The following TNIK variants were observed in gnomAD, a reference collection of about 807,000 sequenced individuals.
TNIK encodes the protein TRAF2 and NCK interacting kinase.
TNIK carries 49 observed loss-of-function variants against 191.3 expected under a neutral mutation model. The observed-to-expected ratio is 0.26, with a 90% CI of 0.20 to 0.32. The LOEUF (loss-of-function observed/expected upper bound fraction) is 0.32, where lower values mean the gene tolerates loss of function less well. Among genes scored for constraint, TNIK ranks in the 10% least tolerant of loss-of-function variants. The pLI is 1.00. For missense variants in TNIK, 1,155 were observed against 1,702.3 expected (o/e 0.68, Z 5.66); for synonymous variants, 594 against 600.9 (o/e 0.99, Z 0.17).
At chr3:171,214,730 C>T (rs1446500334) in intron 3 of TNIK, among the ~76,000 whole-genome samples, 1 of 152,122 alleles carries the variant, frequency 6.6e-6, no homozygotes, top group Non-Finnish European at 1.5e-5. Flanking sequence ...ACTTCCAAAT[C>T]CAGTCATATT....
chr3:171,228,334 G>A (rs914849734), intron 2 of TNIK, 113 bp from the exon 3 acceptor site: 6 of 1,009,408 alleles, frequency 5.9e-6, no homozygotes, highest in South Asian at 4.7e-5. Flanking sequence ...TCAATGGGGG[G>A]AGAGAGAAAG....
intron 1 of TNIK, among the ~76,000 whole-genome samples, chr3:171,403,986 A>G (rs1721325002): frequency 1.3e-5 from 2 of 152,246 alleles, no homozygotes; most frequent in Admixed American, 1.3e-4. Context: ...GTCACAGGAT[A>G]TGGCTACAGC....
chr3:171,377,994 C>T (rs944362920), intron 1 of TNIK, among the ~76,000 whole-genome samples: 2 of 152,114 alleles, frequency 1.3e-5, no homozygotes, highest in Admixed American at 6.5e-5. Context: ...ATGCTGAAGG[C>T]CTTGTGGGTT....
chr3:171,298,399 T>C (rs1029325677), intron 2 of TNIK, among the ~76,000 whole-genome samples: 2 of 152,248 alleles, frequency 1.3e-5, no homozygotes, highest in African/African-American at 4.8e-5. Context: ...GGGAAATATA[T>C]GTCTGTGGCA....
chr3:171,317,632 G>A (rs1448506222), intron 2 of TNIK, among the ~76,000 whole-genome samples: 1 of 152,154 alleles, frequency 6.6e-6, no homozygotes. Flanking sequence ...TGAACAGAAT[G>A]AAGATGACAA....
intron 1 of TNIK, among the ~76,000 whole-genome samples, chr3:171,370,067 T>C (rs891369198): frequency 2.6e-5 from 4 of 152,206 alleles, no homozygotes; most frequent in African/African-American, 7.2e-5. Flanking sequence ...TTCCAGGGTA[T>C]TTCTCTTTGA....
At chr3:171,346,863 G>T (rs1712285201) in intron 2 of TNIK, 7 of 282,194 alleles carry the variant, frequency 2.5e-5, no homozygotes, top group Non-Finnish European at 3.9e-5. Flanking sequence ...GATCATCCTG[G>T]GCCTTGTAGG....
intron 2 of TNIK, among the ~76,000 whole-genome samples, chr3:171,319,836 G>C (rs185869856): frequency 6.6e-6 from 1 of 152,252 alleles, no homozygotes; most frequent in East Asian, 1.9e-4. Context: ...CATTCTAATA[G>C]ATATTCCAAT....
intron 1 of TNIK, among the ~76,000 whole-genome samples, chr3:171,435,185 T>C (rs987739834): frequency 3.3e-5 from 5 of 152,212 alleles, no homozygotes; most frequent in Non-Finnish European, 7.3e-5. Flanking sequence ...CATATTTACT[T>C]GTAAAAGAAA....
chr3:171,452,227 G>A (rs926488952), intron 1 of TNIK, among the ~76,000 whole-genome samples: 8 of 152,114 alleles, frequency 5.3e-5, no homozygotes, highest in Non-Finnish European at 1.2e-4. Flanking sequence ...GAAAAAAATA[G>A]CTCATTTAAA....
intron 32 of TNIK, among the ~76,000 whole-genome samples, chr3:171,065,367 C>G (rs935426669): frequency 6.6e-6 from 1 of 152,180 alleles, no homozygotes; most frequent in African/African-American, 2.4e-5. Flanking sequence ...TAAGACCAAC[C>G]TGACCTTTGG....
At chr3:171,391,208 C>CA (rs1283456251) in intron 1 of TNIK, among the ~76,000 whole-genome samples, 3 of 152,120 alleles carry the variant, frequency 2.0e-5, no homozygotes, top group Non-Finnish European at 4.4e-5. Flanking sequence ...GCCCAAAAGA[C>CA]AAAAACTATT....
At chr3:171,295,162 T>C (rs972671958) in intron 2 of TNIK, among the ~76,000 whole-genome samples, 1 of 152,108 alleles carries the variant, frequency 6.6e-6, no homozygotes, top group Non-Finnish European at 1.5e-5. Flanking sequence ...GGCCAGGAAA[T>C]GGGTCTGACC....
intron 2 of TNIK, among the ~76,000 whole-genome samples, chr3:171,265,214 C>CA (rs1748230076): frequency 6.8e-6 from 1 of 146,364 alleles, no homozygotes; most frequent in African/African-American, 2.5e-5. Flanking sequence ...TGGCAAATGA[C>CA]AAAATCCAAG....
intron 11 of TNIK, among the ~76,000 whole-genome samples, chr3:171,160,817 A>G (rs1733891640): frequency 6.6e-6 from 1 of 152,232 alleles, no homozygotes; most frequent in South Asian, 2.1e-4. Flanking sequence ...CTCCTGGATT[A>G]GGCTGCAATG....
At chr3:171,082,144 G>A in intron 27 of TNIK, 107 bp downstream of exon 27, 1 of 1,424,456 alleles carries the variant, frequency 7.0e-7, no homozygotes, top group Non-Finnish European at 9.5e-7. Flanking sequence ...ATACTTTATT[G>A]TGTTGTTTGT....
chr3:171,107,900 G>A (rs1050011589), intron 20 of TNIK, 165 bp downstream of exon 20: 15 of 580,494 alleles, frequency 2.6e-5, no homozygotes, highest in African/African-American at 9.6e-5. Flanking sequence ...AGATCTCTTC[G>A]GTTCTTTCCT....
At chr3:171,146,827 T>C (rs1191690554) in intron 12 of TNIK, among the ~76,000 whole-genome samples, 2 of 150,454 alleles carry the variant, frequency 1.3e-5, no homozygotes, top group South Asian at 2.1e-4. Flanking sequence ...GAGGCGGAGG[T>C]TGCAGTGAGC....
intron 21 of TNIK, among the ~76,000 whole-genome samples, chr3:171,102,869 T>G (rs937512612): frequency 2.0e-5 from 3 of 152,230 alleles, no homozygotes; most frequent in Non-Finnish European, 4.4e-5. Context: ...GATAAATGTG[T>G]ATAGTTAAAT....
Sources: gnomAD v4.1 joint callset for allele counts (sites outside exome capture counted in the v4.1 genomes callset) on GRCh38, gnomAD v4.1.1 for gene constraint, MANE v1.5 for transcripts, NCBI Gene and HGNC (gene_info 2026-07-23, HGNC 2026-07-21) for gene names.